Variants in GSAP observed in about 807,000 individuals in gnomAD.
GSAP encodes gamma-secretase activating protein.
Under a neutral mutation model 131.7 loss-of-function variants are expected in GSAP, and 118 were observed. The ratio of observed to expected loss-of-function variants is 0.90; its 90% CI spans 0.77 to 1.04. GSAP has a LOEUF of 1.04. Ranked by LOEUF, GSAP falls within the 50% of genes least tolerant of loss-of-function variation. The pLI is 0.00. For missense variants in GSAP, 1,019 were observed against 1,013.2 expected, an observed-to-expected ratio of 1.01 and a Z score of -0.08; for synonymous variants, 381 against 363.4, an observed-to-expected ratio of 1.05 and a Z score of -0.55.
intron 22 of GSAP, 74 bp downstream of exon 22, chr7:77,328,532 G>A (rs1341297564): frequency 6.4e-7 from 1 of 1,568,954 alleles, no homozygotes; most frequent in African/African-American, 1.4e-5. Flanking sequence ...CCAACCCACA[G>A]TGGTAGGAAG....
intron 5 of GSAP, 130 bp downstream of exon 5, chr7:77,396,852 C>T: frequency 3.9e-6 from 2 of 519,046 alleles, no homozygotes; most frequent in South Asian, 3.6e-5. Flanking sequence ...TTGACATGAC[C>T]TTTGCCTTTT....
At chr7:77,416,418 CCT>C, upstream of GSAP, 2 of 564,210 alleles carry the variant, frequency 3.5e-6, no homozygotes, top group South Asian at 2.5e-5. Flanking sequence ...GCTCCCGCCC[CCT>C]CTTTCCTCTC....
intron 6 of GSAP, among the ~76,000 whole-genome samples, chr7:77,384,118 G>A (rs1798194107): frequency 6.6e-6 from 1 of 152,246 alleles, no homozygotes; most frequent in African/African-American, 2.4e-5. Flanking sequence ...AGGAAAAGCA[G>A]AGATGAATGA....
At chr7:77,405,475 GTAT>G (rs1185077577) in intron 2 of GSAP, among the ~76,000 whole-genome samples, 1 of 152,164 alleles carries the variant, frequency 6.6e-6, no homozygotes, top group Non-Finnish European at 1.5e-5. Flanking sequence ...CAAAATTTGA[GTAT>G]TATGTCAGAT....
At chr7:77,370,256 G>A (rs900837158) in intron 12 of GSAP, among the ~76,000 whole-genome samples, 3 of 151,980 alleles carry the variant, frequency 2.0e-5, no homozygotes, top group African/African-American at 2.4e-5. Context: ...TCAGGAGTTC[G>A]AGACCAGCGT....
intron 12 of GSAP, among the ~76,000 whole-genome samples, chr7:77,373,381 T>C (rs1371967636): frequency 6.6e-6 from 1 of 152,224 alleles, no homozygotes; most frequent in Non-Finnish European, 1.5e-5. Context: ...TTTAAAGGAA[T>C]ACAATTTTAG....
chr7:77,311,305 G>T lies in GSAP; in HGVS notation c.*53C>A. 1.0e-6 allele frequency: 1 copy of T among 999,430 alleles called. No homozygotes were observed. The highest frequency in any genetic ancestry group is 1.6e-6 in the Non-Finnish European group (1 of 622,772). The allele number at this position is 999,430 out of a possible 1,614,324, so 61.9% of individuals were successfully genotyped here. ...TGTTAAAGAATTCTCAAAGGAGTAA[G>T]GTTAATGAGCAAGATTAAAATGGCA... On this transcript the variant is annotated 3_prime_UTR_variant, in exon 31 of 31. Transcript: ENST00000257626.
chr7:77,336,555 G>T (rs1790006394), intron 19 of GSAP, among the ~76,000 whole-genome samples: 2 of 151,944 alleles, frequency 1.3e-5, no homozygotes, highest in African/African-American at 2.4e-5. Flanking sequence ...GCGCAATCTT[G>T]GCTCACTGCA....
At chr7:77,396,403 AC>A (rs1466786682) in intron 5 of GSAP, among the ~76,000 whole-genome samples, 1 of 152,062 alleles carries the variant, frequency 6.6e-6, no homozygotes, top group East Asian at 1.9e-4. Context: ...AGATGCCTAT[AC>A]CTCTCTTACA....
chr7:77,340,529 ACT>A (rs1362972698), intron 19 of GSAP, among the ~76,000 whole-genome samples: 13 of 151,580 alleles, frequency 8.6e-5, no homozygotes, highest in African/African-American at 2.9e-4. Flanking sequence ...CAGTCTTTTC[ACT>A]CTCTTTTCCA....
rs149772959 is a variant in GSAP, at chr7:77,360,828, G to A, written c.1023C>T (p.Asn341=). The A allele has an allele frequency of 2.6e-6, 4 of 1,560,410 alleles. No individual in the cohort carries two copies. The highest frequency in any genetic ancestry group is 3.5e-6 in the Non-Finnish European group (4 of 1,131,886). ...TGTGATCTCTCCATCACTCACCAAG[G>A]TTGAGAAAAGTAATGCCCTTTGTCA... ...SHMTKGITFL[N]LDYYVAVYLP... The change falls in exon 14 of 31, where the codon AAC becomes AAT. Residue 341 remains asparagine (N), a synonymous_variant. Coordinates refer to ENST00000257626, the MANE Select transcript of GSAP (RefSeq NM_017439.4).
intron 5 of GSAP, among the ~76,000 whole-genome samples, chr7:77,388,042 T>C (rs1344803965): frequency 6.6e-6 from 1 of 152,262 alleles, no homozygotes; most frequent in Non-Finnish European, 1.5e-5. Context: ...AATATAAATA[T>C]GCTAACTATT....
At chr7:77,324,518 C>G (rs1025891186) in intron 23 of GSAP, among the ~76,000 whole-genome samples, 4 of 152,202 alleles carry the variant, frequency 2.6e-5, no homozygotes, top group African/African-American at 9.6e-5. Context: ...CACACATCTT[C>G]TATTTTAGCA....
chr7:77,402,437 A>C (rs1401952063), intron 3 of GSAP, among the ~76,000 whole-genome samples: 1 of 148,248 alleles, frequency 6.7e-6, no homozygotes, highest in Non-Finnish European at 1.5e-5. Context: ...CACACACAGA[A>C]AAAAAAGATT....
At chr7:77,319,475 G>A (rs546903517) in intron 26 of GSAP, among the ~76,000 whole-genome samples, 3 of 152,212 alleles carry the variant, frequency 2.0e-5, no homozygotes, top group South Asian at 2.1e-4. Context: ...CCACTGTGGC[G>A]AACAGTATGG....
intron 10 of GSAP, among the ~76,000 whole-genome samples, chr7:77,375,843 TA>T (rs10706854): frequency 0.8 from 112,447 of 140,714 alleles, 44,941 homozygotes; most frequent in East Asian, 0.9. Flanking sequence ...GACTCCGTCT[TA>T]AAAAAAAAAA....
At chr7:77,337,966 C>T (rs1344128844) in intron 19 of GSAP, among the ~76,000 whole-genome samples, 1 of 152,000 alleles carries the variant, frequency 6.6e-6, no homozygotes, top group Non-Finnish European at 1.5e-5. Context: ...GCCCCAGCAA[C>T]ATACCAAGAC....
At chr7:77,363,955 A>C (rs184045495) in intron 12 of GSAP, among the ~76,000 whole-genome samples, 37 of 152,274 alleles carry the variant, frequency 2.4e-4, no homozygotes, top group Admixed American at 2.1e-3. Flanking sequence ...TACCACTTGG[A>C]CTGCTTTCAT....
chr7:77,333,451 G>T (rs973409619), intron 19 of GSAP, among the ~76,000 whole-genome samples: 1 of 152,140 alleles, frequency 6.6e-6, no homozygotes, highest in African/African-American at 2.4e-5. Context: ...GGAACCACCT[G>T]GGTCCCATCC....
Sources: allele counts gnomAD v4.1 joint callset (sites outside exome capture counted in the v4.1 genomes callset), GRCh38; gene constraint gnomAD v4.1.1; transcripts MANE v1.5; gene names NCBI Gene and HGNC (gene_info 2026-07-23, HGNC 2026-07-21).